INTS4: variants seen among roughly 807,000 people sequenced by gnomAD.
INTS4 encodes MSTP093.
Under a neutral mutation model 119.5 loss-of-function variants are expected in INTS4, and 70 were observed. The observed-to-expected ratio is 0.59, with a 90% CI of 0.48 to 0.71. The LOEUF is 0.71. Ranked by LOEUF, INTS4 falls within the 30% of genes least tolerant of loss-of-function variation. The pLI is 0.00. For missense variants in INTS4, 867 were observed against 1,173.2 expected, an observed-to-expected ratio of 0.74 and a Z score of 3.81; for synonymous variants, 316 against 419.6, an observed-to-expected ratio of 0.75 and a Z score of 3.02.
At chr11:77,929,184 T>C (rs1379163569) in intron 10 of INTS4, among the ~76,000 whole-genome samples, 1 of 151,854 alleles carries the variant, frequency 6.6e-6, no homozygotes. Context: ...CCATATTTTA[T>C]ATATATATAT....
chr11:77,946,865 A>T (rs1290348630), intron 8 of INTS4, among the ~76,000 whole-genome samples: 8 of 150,796 alleles, frequency 5.3e-5, no homozygotes, highest in Non-Finnish European at 1.0e-4. Flanking sequence ...AAGGAAACTC[A>T]GTAAGATACA....
chr11:77,957,592 G>A (rs1459290642), intron 7 of INTS4, among the ~76,000 whole-genome samples: 2 of 148,624 alleles, frequency 1.3e-5, no homozygotes, highest in Non-Finnish European at 3.0e-5. Flanking sequence ...AAAGATTTAT[G>A]AAATTATCAA....
chr11:77,991,192 T>C lies in INTS4; in HGVS notation c.162A>G (p.Gln54=). The change falls in exon 2 of 23, where the codon CAA becomes CAG. Residue 54 remains glutamine, a synonymous_variant. Transcript: ENST00000534064. ...CKATSPADAL[Q]YLLQFARKPV... ...GCTTCCTGGCAAACTGGAGCAAGTA[T>C]TGCAAAGCATCTGCTGGGGAGGTAG... 6.2e-7 allele frequency: 1 copy of C among 1,614,190 alleles called. No homozygotes were observed. The highest frequency in any genetic ancestry group is 8.5e-7 in the Non-Finnish European group (1 of 1,180,032).
chr11:77,924,661 C>A, intron 12 of INTS4, 89 bp downstream of exon 12: 1 of 1,282,192 alleles, frequency 7.8e-7, no homozygotes, highest in Non-Finnish European at 1.1e-6. Flanking sequence ...GCCGTACTAT[C>A]CTCAATCTAT....
rs573253231 is a variant in INTS4, at chr11:77,903,453, G to C, written c.2097+87C>G. On this transcript the variant is annotated intron_variant, in intron 17 of 22. Coordinates refer to ENST00000534064, the MANE Select transcript of INTS4 (RefSeq NM_033547.4). ...TTTTCCTGCAAGGCCTACACAGACA[G>C]AGCTATAGGAAGGCCTCTGGCTCTG... 3.8e-6 allele frequency: 6 copies of C among 1,599,586 alleles called. No individual in the cohort carries two copies. In the African/African-American group the frequency reaches 6.9e-5, roughly 18 times the overall value.
chr11:77,887,305 G>C (rs538633366), intron 21 of INTS4, among the ~76,000 whole-genome samples: 2 of 152,144 alleles, frequency 1.3e-5, no homozygotes, highest in African/African-American at 2.4e-5. Context: ...CATATAAACA[G>C]AACCAAAGAC....
chr11:77,874,574 C>T (rs1951547029), downstream of INTS4, among the ~76,000 whole-genome samples: 1 of 152,118 alleles, frequency 6.6e-6, no homozygotes, highest in African/African-American at 2.4e-5. Flanking sequence ...TACTTTGGAA[C>T]CTGGTGCACA....
At chr11:77,923,687 T>C (rs1953422569) in intron 12 of INTS4, among the ~76,000 whole-genome samples, 1 of 152,056 alleles carries the variant, frequency 6.6e-6, no homozygotes. Context: ...TGTTAGCTAT[T>C]ATAACTACAT....
At chr11:77,947,376 T>G (rs900973193) in intron 8 of INTS4, among the ~76,000 whole-genome samples, 4 of 152,140 alleles carry the variant, frequency 2.6e-5, no homozygotes, top group African/African-American at 7.2e-5. Flanking sequence ...CTATCGAAAG[T>G]CAAAGAGTAA....
intron 10 of INTS4, among the ~76,000 whole-genome samples, chr11:77,931,634 C>T (rs938781491): frequency 6.6e-6 from 1 of 152,062 alleles, no homozygotes; most frequent in Admixed American, 6.6e-5. Flanking sequence ...ATAGCCAAGA[C>T]AATTCTAAGC....
intron 1 of INTS4, among the ~76,000 whole-genome samples, chr11:77,993,239 A>G (rs147700279): frequency 0.012 from 1,870 of 152,350 alleles, 15 homozygotes; most frequent in Middle Eastern, 0.027. Context: ...CGGTAATGAC[A>G]GCAGCACTGA....
Position 77,941,840 on chromosome 11 carries a change from C to T in INTS4, c.919-589G>A, listed in dbSNP as rs889280965. The stretch of plus-strand genomic sequence containing the variant: ...CATGTACTATTCTAAGGGCTTTAGA[C>T]GTATATTAACTCATTTAAATCCTCA... On this transcript the variant is annotated intron_variant, in intron 8 of 22. Coordinates refer to ENST00000534064, the MANE Select transcript of INTS4 (RefSeq NM_033547.4). 2.2e-4 allele frequency among the ~76,000 whole-genome samples: 33 copies of T among 151,920 alleles called. 1 individual carries two copies. The highest frequency in any genetic ancestry group is 1.9e-4 in the East Asian group (1 of 5,190).
intron 12 of INTS4, among the ~76,000 whole-genome samples, chr11:77,923,336 A>C (rs1374823509): frequency 6.9e-6 from 1 of 145,656 alleles, no homozygotes; most frequent in Non-Finnish European, 1.5e-5. Context: ...AAAAAAAAAA[A>C]GCCAAGAGAA....
At chr11:77,946,201 A>C (rs1270153195) in intron 8 of INTS4, among the ~76,000 whole-genome samples, 1 of 152,250 alleles carries the variant, frequency 6.6e-6, no homozygotes, top group Non-Finnish European at 1.5e-5. Context: ...AATTGCAAAC[A>C]TCAATGACTA....
At chr11:77,943,010 CA>C (rs1953964268) in intron 8 of INTS4, among the ~76,000 whole-genome samples, 2 of 152,122 alleles carry the variant, frequency 1.3e-5, no homozygotes, top group Non-Finnish European at 2.9e-5. Context: ...CATTTAAATC[CA>C]AACAACAATT....
intron 22 of INTS4, 57 bp downstream of exon 22, chr11:77,883,775 G>A: frequency 1.3e-6 from 2 of 1,585,896 alleles, no homozygotes; most frequent in Non-Finnish European, 8.6e-7. Flanking sequence ...AACGCTTAAG[G>A]GTAGGTGTGA....
At chr11:77,984,317 A>G (rs1856369538) in intron 2 of INTS4, among the ~76,000 whole-genome samples, 1 of 152,098 alleles carries the variant, frequency 6.6e-6, no homozygotes, top group Non-Finnish European at 1.5e-5. Context: ...AACATGGCAA[A>G]ACCCTGTCTC....
chr11:77,989,397 G>A (rs1856575870), intron 2 of INTS4, among the ~76,000 whole-genome samples: 1 of 151,994 alleles, frequency 6.6e-6, no homozygotes, highest in African/African-American at 2.4e-5. Context: ...TGAGGCAGGA[G>A]AACTGCTTGA....
intron 8 of INTS4, among the ~76,000 whole-genome samples, chr11:77,955,025 TGAACTATTTCTTTCTATATTAA>T (rs1333306765): frequency 1.2e-4 from 18 of 152,052 alleles, no homozygotes; most frequent in Non-Finnish European, 2.4e-4. Context: ...TACAGGAGAG[TGAACTATTTCTTTCTATATTAA>T]GAAATTCTGG....
Sources: allele counts gnomAD v4.1 joint callset (sites outside exome capture counted in the v4.1 genomes callset), GRCh38; gene constraint gnomAD v4.1.1; transcripts MANE v1.5; gene names NCBI Gene and HGNC (gene_info 2026-07-23, HGNC 2026-07-21).